The following PCCA variants were observed in gnomAD, a reference collection of about 807,000 sequenced individuals.
The protein encoded by PCCA is propionyl-CoA carboxylase subunit alpha, also known as propionyl-CoA carboxylase alpha chain, mitochondrial.
A neutral mutation model predicts 101.3 loss-of-function variants in PCCA; 74 were observed. The observed-to-expected ratio is 0.73, with a 90% CI of 0.61 to 0.89. The LOEUF is 0.89. PCCA is among the 40% of genes least tolerant of loss of function. The probability of loss-of-function intolerance (pLI) is 0.00; values close to 1 mark genes in which losing one functional copy is unlikely to be tolerated. For synonymous variants in PCCA, 294 were observed against 313.6 expected (o/e 0.94, Z 0.66); for missense variants, 891 against 907.0 (o/e 0.98, Z 0.23).
intron 21 of PCCA, among the ~76,000 whole-genome samples, chr13:100,467,015 A>G (rs2082573199): frequency 6.6e-6 from 1 of 152,154 alleles, no homozygotes; most frequent in East Asian, 1.9e-4. Flanking sequence ...GTAGGTACCT[A>G]GCACCGTATG....
intron 19 of PCCA, among the ~76,000 whole-genome samples, chr13:100,392,939 C>T (rs2076874062): frequency 6.6e-6 from 1 of 152,162 alleles, no homozygotes; most frequent in African/African-American, 2.4e-5. Context: ...GGTCAAGTGA[C>T]TCACCCAAGG....
At chr13:100,157,168 T>G (rs2053970979) in intron 5 of PCCA, 119 bp from the exon 6 acceptor site, 7 of 672,140 alleles carry the variant, frequency 1.0e-5, no homozygotes, top group Non-Finnish European at 1.6e-5. Flanking sequence ...ATAAGAGAAG[T>G]GTACTTATTC....
intron 7 of PCCA, among the ~76,000 whole-genome samples, chr13:100,222,092 A>T (rs1942083715): frequency 6.6e-6 from 1 of 150,976 alleles, no homozygotes; most frequent in African/African-American, 2.4e-5. Flanking sequence ...CCCAGACTGG[A>T]GTACAGTGGC....
rs184901030 is a variant in PCCA, at chr13:100,510,933, C to T, written c.1900-4494C>T. Among the ~76,000 whole-genome samples the T allele has an allele frequency of 2.4e-3, 369 of 152,300 alleles. 2 individuals are homozygous for T. Among genetic ancestry groups the T allele is most frequent in the African/African-American group, 8.5e-3 (352 of 41,560 alleles). ...CCGCTCCTTTGCCTGGGCTGCACCT[C>T]CAAAGGAAGGACGGCCGTAGGCTTC... On this transcript the variant is annotated intron_variant, in intron 21 of 23. Transcript: ENST00000376285.
chr13:100,206,457 A>C (rs1364033727), intron 6 of PCCA, among the ~76,000 whole-genome samples: 1 of 152,058 alleles, frequency 6.6e-6, no homozygotes, highest in East Asian at 1.9e-4. Flanking sequence ...AGTAGAGGCC[A>C]CTATGTTGGT....
chr13:100,465,355 G>A (rs2082435239), intron 21 of PCCA, among the ~76,000 whole-genome samples: 1 of 152,204 alleles, frequency 6.6e-6, no homozygotes, highest in South Asian at 2.1e-4. Context: ...TTCAGAATGA[G>A]AAGATAGGAC....
intron 21 of PCCA, among the ~76,000 whole-genome samples, chr13:100,467,877 C>G (rs1396430117): frequency 6.6e-6 from 1 of 152,222 alleles, no homozygotes. Context: ...TTAATAGCAT[C>G]TAGAGTGGTG....
In PCCA at chr13:100,338,018, T is replaced by G. The variant is rs1402022900; in HGVS notation, c.1541-2139T>G. Among the ~76,000 whole-genome samples the G allele has an allele frequency of 2.5e-3, 386 of 152,354 alleles. 4 individuals carry two copies. In the South Asian group the frequency reaches 0.028, roughly 11 times the overall value. ...TAAACAGTTTCTTTACACAGTTTGA[T>G]AAATATCAGTCCAGAACAGTTGTAT... is the stretch of plus-strand genomic sequence containing the variant. On this transcript the variant is annotated intron_variant, in intron 17 of 23. Transcript: ENST00000376285.
chr13:100,188,229 G>A (rs1423552448), intron 6 of PCCA, among the ~76,000 whole-genome samples: 1 of 152,112 alleles, frequency 6.6e-6, no homozygotes, highest in Non-Finnish European at 1.5e-5. Flanking sequence ...GGAGGTGGAG[G>A]TTGCAGTGAG....
At chr13:100,252,096 A>C (rs1273173887) in intron 8 of PCCA, among the ~76,000 whole-genome samples, 1 of 152,200 alleles carries the variant, frequency 6.6e-6, no homozygotes, top group African/African-American at 2.4e-5. Flanking sequence ...CTCATGAGCA[A>C]CTTTCATCTG....
At chr13:100,422,904 A>T in intron 19 of PCCA, among the ~76,000 whole-genome samples, 1 of 148,448 alleles carries the variant, frequency 6.7e-6, no homozygotes, top group East Asian at 2.0e-4. Flanking sequence ...CACGTTTCCT[A>T]TGGTTGCCTT....
At chr13:100,416,043 C>T (rs1246374925) in intron 19 of PCCA, among the ~76,000 whole-genome samples, 1 of 152,038 alleles carries the variant, frequency 6.6e-6, no homozygotes, top group Non-Finnish European at 1.5e-5. Context: ...ATAGGAAAAT[C>T]GAATGTTCCA....
At chr13:100,256,914 A>G (rs1036710810) in intron 8 of PCCA, among the ~76,000 whole-genome samples, 4 of 152,328 alleles carry the variant, frequency 2.6e-5, no homozygotes, top group Admixed American at 2.6e-4. Flanking sequence ...TAATCATGTA[A>G]CTGATGACAA....
chr13:100,168,568 A>G (rs532779854), intron 6 of PCCA, among the ~76,000 whole-genome samples: 2 of 152,334 alleles, frequency 1.3e-5, no homozygotes, highest in South Asian at 2.1e-4. Flanking sequence ...GAGAATTATT[A>G]GCTGTTACTT....
intron 21 of PCCA, among the ~76,000 whole-genome samples, chr13:100,510,208 C>T (rs1466692100): frequency 6.6e-6 from 1 of 152,214 alleles, no homozygotes; most frequent in East Asian, 1.9e-4. Context: ...AAAGGAACCT[C>T]ATCTCCATAT....
intron 18 of PCCA, among the ~76,000 whole-genome samples, chr13:100,343,391 G>A (rs753740503): frequency 2.0e-5 from 3 of 152,172 alleles, no homozygotes; most frequent in Non-Finnish European, 4.4e-5. Flanking sequence ...CAAGTAATGA[G>A]TGGGTAAATA....
chr13:100,154,283 A>G (rs1463849380), intron 4 of PCCA, among the ~76,000 whole-genome samples: 2 of 152,258 alleles, frequency 1.3e-5, no homozygotes, highest in Non-Finnish European at 2.9e-5. Context: ...TCTATTATGC[A>G]AAATAAATAG....
At chr13:100,136,718 A>G (rs1381534737) in intron 4 of PCCA, among the ~76,000 whole-genome samples, 1 of 152,036 alleles carries the variant, frequency 6.6e-6, no homozygotes, top group Admixed American at 6.6e-5. Flanking sequence ...ACCTTTTATT[A>G]TCCTTTTAAT....
chr13:100,148,895 A>G (rs1004247193), intron 4 of PCCA, among the ~76,000 whole-genome samples: 5 of 152,180 alleles, frequency 3.3e-5, no homozygotes, highest in Admixed American at 3.3e-4. Context: ...ATCTTAGAAG[A>G]AAAATAGTAG....
Sources: gnomAD v4.1 joint callset for allele counts (sites outside exome capture counted in the v4.1 genomes callset) on GRCh38, gnomAD v4.1.1 for gene constraint, MANE v1.5 for transcripts, NCBI Gene and HGNC (gene_info 2026-07-23, HGNC 2026-07-21) for gene names.